RNF17: variants seen among roughly 807,000 people sequenced by gnomAD.
RNF17 encodes spermatogenesis associated 23.
A neutral mutation model predicts 200.5 loss-of-function variants in RNF17; 31 were observed. The observed-to-expected ratio is 0.15, with a 90% CI of 0.12 to 0.21. The LOEUF is 0.21. Ranked by LOEUF, RNF17 falls within the 10% of genes least tolerant of loss-of-function variation. RNF17 has a pLI of 1.00. For missense variants in RNF17, 1,628 were observed against 1,905.1 expected (o/e 0.85, Z 2.71); for synonymous variants, 606 against 637.8 (o/e 0.95, Z 0.75).
At chr13:24,758,478 TAAG>T in the RNF17 span, among the ~76,000 whole-genome samples, 9 of 152,270 alleles carry the variant, frequency 5.9e-5, no homozygotes, top group South Asian at 1.9e-3. Flanking sequence ...ATGACTGGTA[TAAG>T]AAGAAGGTTC....
the RNF17 span, among the ~76,000 whole-genome samples, chr13:24,757,525 T>A: frequency 6.6e-6 from 1 of 151,884 alleles, no homozygotes; most frequent in South Asian, 2.1e-4. Flanking sequence ...GGTTTCACCA[T>A]GTTAGCCAGG....
the RNF17 span, among the ~76,000 whole-genome samples, chr13:24,749,387 C>G: frequency 6.8e-6 from 1 of 148,040 alleles, no homozygotes; most frequent in Non-Finnish European, 1.5e-5. Flanking sequence ...TCACTGCAAC[C>G]TCCCCTCCCG....
chr13:24,833,475 T>C (rs1421352591), intron 18 of RNF17, among the ~76,000 whole-genome samples: 1 of 152,214 alleles, frequency 6.6e-6, no homozygotes, highest in Non-Finnish European at 1.5e-5. Flanking sequence ...TCCACTGATT[T>C]TGAGCCAACT....
intron 23 of RNF17, among the ~76,000 whole-genome samples, chr13:24,851,120 G>A (rs1326787126): frequency 2.0e-5 from 3 of 152,066 alleles, no homozygotes; most frequent in African/African-American, 4.8e-5. Flanking sequence ...TCAGCCTCCC[G>A]AGTAGCTGGG....
chr13:24,793,360 T>C lies in RNF17; in HGVS notation c.1240+14T>C, dbSNP rs1166731013. ...ACAACGTGGAAAGTAAGTTAAAATG[T>C]AAAAGCAGAGGGGAAAGATCTTGTA... is the stretch of plus-strand genomic sequence containing the variant. On this transcript the variant is annotated intron_variant, in intron 10 of 35. Transcript: ENST00000255324. 1 of 1,568,686 alleles carries C rather than the reference T, an allele frequency of 6.4e-7. No individual in the cohort carries two copies. Among genetic ancestry groups the C allele is most frequent in the Admixed American group, 1.9e-5 (1 of 51,640 alleles).
intron 18 of RNF17, among the ~76,000 whole-genome samples, chr13:24,838,534 G>A (rs1373430755): frequency 1.3e-5 from 2 of 152,030 alleles, no homozygotes; most frequent in African/African-American, 4.8e-5. Flanking sequence ...ATATATGCAA[G>A]TCAATAAATG....
intron 23 of RNF17, 63 bp downstream of exon 23, chr13:24,850,506 T>G: frequency 8.9e-7 from 1 of 1,118,770 alleles, no homozygotes. Flanking sequence ...TTCCATTTAT[T>G]TTCTTTCTTG....
intron 5 of RNF17, among the ~76,000 whole-genome samples, chr13:24,780,515 T>C (rs2137551833): frequency 6.6e-6 from 1 of 152,260 alleles, no homozygotes; most frequent in Admixed American, 6.5e-5. Context: ...TCCTTCTCCA[T>C]GCAAGATACA....
At chr13:24,884,018 G>GAAAT (rs1310593906), downstream of RNF17, 9 of 1,613,940 alleles carry the variant, frequency 5.6e-6, no homozygotes, top group African/African-American at 6.7e-5. Context: ...TGTCCATCAG[G>GAAAT]AAATAAGTTT....
downstream of RNF17, among the ~76,000 whole-genome samples, chr13:24,881,936 A>G (rs867153761): frequency 6.9e-4 from 47 of 68,186 alleles, no homozygotes; most frequent in African/African-American, 1.5e-3. Flanking sequence ...ATATATAGAT[A>G]CATCTATATA....
downstream of RNF17, among the ~76,000 whole-genome samples, chr13:24,882,050 A>ATATATAGATACATC (rs1953865469): frequency 4.4e-5 from 1 of 22,782 alleles, no homozygotes; most frequent in Non-Finnish European, 9.5e-5. Flanking sequence ...ATCTATATAG[A>ATATATAGATACATC]TATATAGATA....
intron 2 of RNF17, among the ~76,000 whole-genome samples, chr13:24,773,130 G>T (rs1566116107): frequency 6.6e-6 from 1 of 152,178 alleles, no homozygotes. Context: ...AGGCCCTGTG[G>T]AAAGCAGTTT....
At chr13:24,826,702 G>C (rs1160458540) in intron 16 of RNF17, among the ~76,000 whole-genome samples, 4 of 152,048 alleles carry the variant, frequency 2.6e-5, no homozygotes, top group African/African-American at 9.7e-5. Context: ...GGTCCTGGGA[G>C]GTGGAGGTTG....
rs555152046 is a variant in RNF17 at position 24,877,198 on chromosome 13, A to C, written c.4773+12A>C. 7.6e-5 allele frequency: 122 copies of C among 1,597,644 alleles called. 1 individual carries two copies. Among genetic ancestry groups the C allele is most frequent in the South Asian group, 4.6e-4 (40 of 87,708 alleles). On this transcript the variant is annotated intron_variant, in intron 34 of 35. Coordinates refer to ENST00000255324, the MANE Select transcript of RNF17 (RefSeq NM_031277.3). ...ATGCTGTGTCCATGGTAAGTGTCTC[A>C]AGTAGCCAAAATTATTGTAAAGCTA...
chr13:24,776,384 AG>A (rs2137523301), intron 3 of RNF17, among the ~76,000 whole-genome samples: 1 of 152,334 alleles, frequency 6.6e-6, no homozygotes, highest in South Asian at 2.1e-4. Context: ...GACCTAAATG[AG>A]TACTTATAAA....
chr13:24,868,761 C>T, intron 31 of RNF17, 45 bp downstream of exon 31: 1 of 1,025,692 alleles, frequency 9.7e-7, no homozygotes, highest in Non-Finnish European at 1.5e-6. Flanking sequence ...ATGTAACAAG[C>T]TGTCTTGGTC....
Position 24,774,784 on chromosome 13 carries a change from TG to T in RNF17, c.226-28del, listed in dbSNP as rs992980818. On this transcript the variant is annotated intron_variant, in intron 2 of 35. Transcript: ENST00000255324. The stretch of plus-strand genomic sequence containing the variant: ...ATAGGCATAATTTATTGGGTGACTT[TG>T]TTTTTTTAAACCTTATTTTGTCCTA... 4.8e-6 allele frequency: 7 copies of T among 1,455,274 alleles called. No individual in the cohort carries two copies. The African/African-American group carries it at 9.9e-5, about 21-fold the overall frequency. 90.1% of individuals were successfully genotyped at this position (1,455,274 alleles called of 1,614,324 possible).
intron 22 of RNF17, among the ~76,000 whole-genome samples, chr13:24,848,389 C>G (rs562059326): frequency 6.6e-6 from 1 of 152,054 alleles, no homozygotes; most frequent in Non-Finnish European, 1.5e-5. Context: ...TGGCCGGACG[C>G]GGTGGCCCAC....
intron 10 of RNF17, among the ~76,000 whole-genome samples, chr13:24,795,208 T>C (rs1360003829): frequency 6.6e-6 from 1 of 152,144 alleles, no homozygotes; most frequent in African/African-American, 2.4e-5. Context: ...CTAGTCTTTG[T>C]TTTTTAAACA....
Sources: allele counts gnomAD v4.1 joint callset (sites outside exome capture counted in the v4.1 genomes callset), GRCh38; gene constraint gnomAD v4.1.1; transcripts MANE v1.5; gene names NCBI Gene and HGNC (gene_info 2026-07-23, HGNC 2026-07-21).